Variants in RFX8 observed in about 807,000 individuals in gnomAD.
RFX8 encodes the protein DNA-binding protein RFX8.
A neutral mutation model predicts 54.6 loss-of-function variants in RFX8; 46 were observed. That is an observed-to-expected ratio of 0.84 (90% confidence interval 0.67 to 1.08). RFX8 has a LOEUF of 1.08. Among genes scored for constraint, RFX8 ranks in the 50% least tolerant of loss-of-function variants. The pLI is 0.00. For missense variants in RFX8, 536 were observed against 562.3 expected (o/e 0.95, Z 0.47); for synonymous variants, 192 against 209.5 (o/e 0.92, Z 0.72).
At chr2:101,429,085 A>G (rs1293203040) in intron 2 of RFX8, 1 of 992,614 alleles carries the variant, frequency 1.0e-6, no homozygotes, top group Non-Finnish European at 1.5e-6. Context: ...AGAAGCACGA[A>G]GTTTCTTTTG....
At chr2:101,400,599 G>A (rs1685376454) in intron 11 of RFX8, among the ~76,000 whole-genome samples, 1 of 152,244 alleles carries the variant, frequency 6.6e-6, no homozygotes, top group South Asian at 2.1e-4. Flanking sequence ...TGTGGAGATG[G>A]TACTGAATAA....
chr2:101,421,322 A>C (rs1242968446), intron 4 of RFX8: 1 of 990,144 alleles, frequency 1.0e-6, no homozygotes, highest in Admixed American at 6.1e-5. Context: ...TACCCATGCC[A>C]GATCACTCAG....
chr2:101,440,305 G>A (rs6723288), intron 2 of RFX8, among the ~76,000 whole-genome samples: 115,047 of 152,014 alleles, frequency 0.76, 44,496 homozygotes, highest in Middle Eastern at 0.88. Context: ...TGGGAACTTG[G>A]CTCTTGGAGT....
At chr2:101,442,204 A>G (rs1688137680) in intron 2 of RFX8, among the ~76,000 whole-genome samples, 2 of 152,060 alleles carry the variant, frequency 1.3e-5, no homozygotes, top group African/African-American at 4.8e-5. Context: ...TACCTTCCCC[A>G]CTTTTAAATA....
intron 9 of RFX8, among the ~76,000 whole-genome samples, chr2:101,407,423 G>T (rs1685801265): frequency 6.6e-6 from 1 of 152,210 alleles, no homozygotes; most frequent in Non-Finnish European, 1.5e-5. Flanking sequence ...TGGGCACGGT[G>T]GCTCACGCCT....
At chr2:101,424,012 A>G (rs1687019951) in intron 2 of RFX8, among the ~76,000 whole-genome samples, 1 of 152,192 alleles carries the variant, frequency 6.6e-6, no homozygotes, top group Admixed American at 6.5e-5. Flanking sequence ...CCTGGAGAAA[A>G]TGCATACTAC....
chr2:101,410,304 A>G (rs1229473461), intron 9 of RFX8, among the ~76,000 whole-genome samples: 2 of 151,664 alleles, frequency 1.3e-5, no homozygotes. Flanking sequence ...TCACATACAC[A>G]CATGCTCACA....
rs1000489320 is a variant in RFX8, at chr2:101,414,819, C to T, written c.561+35G>A. ...GCTTTCACCTCTTTTCAGGAAACTG[C>T]TTTGTTCCCTCCTATCTGCTTGGCT... is the stretch of plus-strand genomic sequence containing the variant. On this transcript the variant is annotated intron_variant, in intron 7 of 11. Transcript: ENST00000428343. The T allele has an allele frequency of 2.6e-5, 38 of 1,485,730 alleles. No individual in the cohort carries two copies. The Admixed American group carries it at 7.5e-4, about 29-fold the overall frequency. 92.0% of individuals were successfully genotyped at this position (1,485,730 alleles called of 1,614,324 possible).
intron 2 of RFX8, among the ~76,000 whole-genome samples, chr2:101,450,022 T>C (rs1688592297): frequency 6.6e-6 from 1 of 151,988 alleles, no homozygotes; most frequent in South Asian, 2.1e-4. Context: ...TGGATGACAC[T>C]CAAAATGAGA....
chr2:101,410,772 T>C (rs1686079923), intron 8 of RFX8, 59 bp from the exon 9 acceptor site: 3 of 892,354 alleles, frequency 3.4e-6, no homozygotes, highest in East Asian at 2.6e-5. Flanking sequence ...GAATTTCTCT[T>C]AGGTATTTGT....
At chr2:101,416,270 T>G (rs17025525) in intron 6 of RFX8, among the ~76,000 whole-genome samples, 2,021 of 152,238 alleles carry the variant, frequency 0.013, 49 homozygotes, top group African/African-American at 0.045. Context: ...GAGGCTTGAA[T>G]TCGGGCAGAT....
intron 10 of RFX8, 72 bp downstream of exon 10, chr2:101,405,871 C>T (rs144856010): frequency 1.9e-5 from 18 of 935,180 alleles, no homozygotes; most frequent in Middle Eastern, 4.4e-4. Context: ...CATAGCAATA[C>T]GCAAAATACT....
At chr2:101,402,274 A>T (rs1685477244) in intron 11 of RFX8, among the ~76,000 whole-genome samples, 162 bp downstream of exon 11, 1 of 152,258 alleles carries the variant, frequency 6.6e-6, no homozygotes. Context: ...TAATCAACAG[A>T]TAGTGAATTA....
chr2:101,474,107 A>T, intron 1 of RFX8: 1 of 522,980 alleles, frequency 1.9e-6, no homozygotes, highest in Non-Finnish European at 3.3e-6. Flanking sequence ...CCCGGCTTTG[A>T]CCCGGCGTCC....
At chr2:101,413,139 C>CA in intron 7 of RFX8, 68 bp from the exon 8 acceptor site, 1 of 1,319,460 alleles carries the variant, frequency 7.6e-7, no homozygotes, top group Non-Finnish European at 1.0e-6. Context: ...AACTCTCCCC[C>CA]AAATTGCCAA....
intron 10 of RFX8, among the ~76,000 whole-genome samples, chr2:101,402,975 TAA>T (rs1685535730): frequency 6.6e-6 from 1 of 152,132 alleles, no homozygotes; most frequent in South Asian, 2.1e-4. Context: ...CTAAATAGCC[TAA>T]GTCATGAAAA....
At chr2:101,426,521 AAAAAT>A (rs1229106069) in intron 2 of RFX8, among the ~76,000 whole-genome samples, 5 of 152,218 alleles carry the variant, frequency 3.3e-5, no homozygotes, top group African/African-American at 1.2e-4. Context: ...CTCGTCTCTA[AAAAAT>A]AAAATAAATA....
rs1175277654 is a variant in RFX8, at chr2:101,417,673, A to ATCC, written c.360_362dup (p.Glu120dup). 2.4e-5 allele frequency: 37 copies of ATCC among 1,548,872 alleles called. No homozygotes were observed. The Middle Eastern group carries it at 6.7e-4, about 28-fold the overall frequency. On this transcript the variant is annotated inframe_insertion, in exon 6 of 12. Coordinates refer to ENST00000428343, the MANE Select transcript of RFX8 (RefSeq NM_001145664.2). ...CTTCCAAGAAGTCATGAAGGAGAAC[A>ATCC]TCCTCAATTCCCTACAACAAAAGTA... is the stretch of plus-strand genomic sequence containing the variant.
chr2:101,398,374 G>A (rs777598936), intron 11 of RFX8, among the ~76,000 whole-genome samples: 17 of 152,092 alleles, frequency 1.1e-4, no homozygotes, highest in Non-Finnish European at 1.8e-4. Context: ...CATGAAAGTC[G>A]GGAGGGAGCC....
Sources: allele counts gnomAD v4.1 joint callset (sites outside exome capture counted in the v4.1 genomes callset), GRCh38; gene constraint gnomAD v4.1.1; transcripts MANE v1.5; gene names NCBI Gene and HGNC (gene_info 2026-07-23, HGNC 2026-07-21).